The following E2F8 variants were observed in gnomAD, a reference collection of about 807,000 sequenced individuals.
The protein encoded by E2F8 is E2F transcription factor 8.
In E2F8, 35 loss-of-function variants were observed where a neutral mutation model predicts 80.8. The observed-to-expected ratio is 0.43, with a 90% CI of 0.33 to 0.57. The LOEUF (loss-of-function observed/expected upper bound fraction) is 0.57, where lower values mean the gene tolerates loss of function less well. Among genes scored for constraint, E2F8 ranks in the 20% least tolerant of loss-of-function variants. The pLI is 0.04. For synonymous variants in E2F8, 386 were observed against 395.0 expected (o/e 0.98, Z 0.27); for missense variants, 975 against 1,056.2 (o/e 0.92, Z 1.07).
chr11:19,224,770 G>C lies in E2F8; in HGVS notation c.2492C>G (p.Thr831Ser), dbSNP rs1387868083. The C allele has an allele frequency of 6.2e-7, 1 of 1,614,214 alleles. No individual in the cohort carries two copies. The highest frequency in any genetic ancestry group is 2.2e-5 in the East Asian group (1 of 44,886). The change falls in exon 13 of 13, where the codon ACC (threonine) becomes AGC (serine). Residue 831 changes from threonine to serine, a missense_variant. Thr to Ser is a moderately conservative substitution (Grantham distance 58, BLOSUM62 1). Transcript: ENST00000250024. ...ESFFRTPGGP[T>S]KPTSSSCMDF... ...CATGCAGGATGAGCTGGTTGGCTTG[G>C]TGGGTCCACCTGGGGTACGGAAGAA...
chr11:19,226,632 T>G (rs1851243526), intron 10 of E2F8, among the ~76,000 whole-genome samples: 1 of 152,216 alleles, frequency 6.6e-6, no homozygotes. Flanking sequence ...ATTTATGTAC[T>G]GCCTATAGCA....
At chr11:19,241,197 G>A (rs1322279140), upstream of E2F8, among the ~76,000 whole-genome samples, 1 of 152,212 alleles carries the variant, frequency 6.6e-6, no homozygotes, top group Non-Finnish European at 1.5e-5. The surrounding 1 kb of genome is among the most constrained non-coding windows in gnomAD (Gnocchi z 4.5). Flanking sequence ...CGGGGCCTGA[G>A]CGCGGGCAAA....
intron 7 of E2F8, among the ~76,000 whole-genome samples, chr11:19,231,083 G>C (rs1329173130): frequency 1.3e-5 from 2 of 152,156 alleles, no homozygotes; most frequent in Admixed American, 6.5e-5. Flanking sequence ...CTAGAGTGTA[G>C]TTATTAGTGA....
chr11:19,240,007 G>A (rs1357901412), intron 2 of E2F8, 100 bp downstream of exon 2: 1 of 891,122 alleles, frequency 1.1e-6, no homozygotes, highest in Non-Finnish European at 1.6e-6. Context: ...CCAAGGTTGT[G>A]GCATTAAGAA....
rs759392034 is a variant in E2F8 at position 19,232,288 on chromosome 11, C to A, written c.1012G>T (p.Gly338Cys). The A allele has an allele frequency of 8.7e-6, 14 of 1,614,070 alleles. No individual in the cohort carries two copies. Among genetic ancestry groups the A allele is most frequent in the Non-Finnish European group, 1.1e-5 (13 of 1,180,044 alleles). The change falls in exon 7 of 13, where the codon GGC (glycine) becomes TGC (cysteine). Residue 338 changes from glycine to cysteine, a missense_variant. Coordinates refer to ENST00000250024, the MANE Select transcript of E2F8 (RefSeq NM_024680.4). ...GTCCATTTGAAAGCTGGTTTTCGGC[C>A]TCTTTCCTCTGTAACATGAACTTTC... is the stretch of plus-strand genomic sequence containing the variant. ...IKKVHVTEER[G>C]RKPAFKWTGP...
At chr11:19,237,153 T>C (rs1249146294) in intron 4 of E2F8, among the ~76,000 whole-genome samples, 161 bp downstream of exon 4, 1 of 152,246 alleles carries the variant, frequency 6.6e-6, no homozygotes, top group Non-Finnish European at 1.5e-5. Flanking sequence ...CTACTTACCT[T>C]CATTCTTATA....
At chr11:19,226,065 G>T in intron 10 of E2F8, 1 of 594,832 alleles carries the variant, frequency 1.7e-6, no homozygotes. Context: ...CCCGAATAAT[G>T]CAGAACATGT....
At position 19,232,311 on chromosome 11, in the gene E2F8, T is replaced by C; in HGVS notation, c.989A>G (p.Lys330Arg). ...GCCTCTTTCCTCTGTAACATGAACTTTCTTGATAAGATCCAGGCTACTCAG... is the reference window on the plus strand; with the variant it reads ...GCCTCTTTCCTCTGTAACATGAACTCTCTTGATAAGATCCAGGCTACTCAG... ...NVLSSLDLIK[K>R]VHVTEERGRK... Residue 330 changes from lysine to arginine, a missense_variant, in exon 7 of 13, where the codon AAA becomes AGA. Coordinates refer to ENST00000250024, the MANE Select transcript of E2F8 (RefSeq NM_024680.4). The C allele has an allele frequency of 6.2e-7, 1 of 1,614,196 alleles. No individual in the cohort carries two copies. Among genetic ancestry groups the C allele is most frequent in the Non-Finnish European group, 8.5e-7 (1 of 1,180,024 alleles).
Position 19,237,836 on chromosome 11 carries a change from A to G in E2F8, c.294+18T>C. The G allele has an allele frequency of 6.3e-7, 1 of 1,593,954 alleles. No homozygotes were observed. Among genetic ancestry groups the G allele is most frequent in the Middle Eastern group, 1.7e-4 (1 of 5,972 alleles). On this transcript the variant is annotated intron_variant, in intron 3 of 12. Transcript: ENST00000250024. The stretch of plus-strand genomic sequence containing the variant: ...CCAACAAATTCCCCAGCCTCCAACC[A>G]GTCCTCTGAAAACCTACGTGTATAC...
At chr11:19,227,919 C>G (rs180894047) in intron 10 of E2F8, among the ~76,000 whole-genome samples, 39 of 152,242 alleles carry the variant, frequency 2.6e-4, no homozygotes, top group Middle Eastern at 3.4e-3. Flanking sequence ...GAAACCCCGT[C>G]TCCACAAAAA....
At chr11:19,227,857 G>A (rs1851275897) in intron 10 of E2F8, among the ~76,000 whole-genome samples, 1 of 152,196 alleles carries the variant, frequency 6.6e-6, no homozygotes, top group Non-Finnish European at 1.5e-5. Context: ...GGAAGCCAAG[G>A]CAGGCAGACT....
At chr11:19,234,316 G>A in intron 6 of E2F8, 44 bp downstream of exon 6, 4 of 1,604,102 alleles carry the variant, frequency 2.5e-6, no homozygotes, top group Non-Finnish European at 3.4e-6. Flanking sequence ...AGATTTTATT[G>A]TTTAAGAATA....
chr11:19,233,382 G>A (rs933870273), intron 6 of E2F8, among the ~76,000 whole-genome samples: 1 of 152,198 alleles, frequency 6.6e-6, no homozygotes. Context: ...ACAATTTTAT[G>A]AGTCATTTAT....
At chr11:19,233,655 T>C (rs1851436696) in intron 6 of E2F8, among the ~76,000 whole-genome samples, 1 of 151,728 alleles carries the variant, frequency 6.6e-6, no homozygotes, top group South Asian at 2.1e-4. Context: ...GCCCGGCTAA[T>C]TTTTTTGTAT....
chr11:19,235,667 A>G (rs1401682791), intron 4 of E2F8, among the ~76,000 whole-genome samples: 139 of 13,726 alleles, frequency 0.01, 1 homozygote, highest in African/African-American at 0.051. Context: ...ACAAACAAAC[A>G]AAAAAAAAAA....
intron 2 of E2F8, among the ~76,000 whole-genome samples, chr11:19,238,661 A>G (rs73416786): frequency 0.034 from 5,143 of 152,362 alleles, 280 homozygotes; most frequent in African/African-American, 0.12. Context: ...AGAGTCAGAG[A>G]GACAAGGAGA....
At chr11:19,225,661 C>G in intron 11 of E2F8, 46 bp from the exon 12 acceptor site, 1 of 1,609,172 alleles carries the variant, frequency 6.2e-7, no homozygotes. Flanking sequence ...AGGCATTTAT[C>G]CAAGAAGTTG....
Position 19,230,663 on chromosome 11 carries a change from G to C in E2F8, c.1238C>G (p.Ser413Cys). Residue 413 changes from serine (S) to cysteine (C), a missense_variant, in exon 8 of 13, where the codon TCT becomes TGT. Transcript: ENST00000250024. ...SIESDRRKINSAPSSPIKTNK... is the reference protein window; with the variant it reads ...SIESDRRKINCAPSSPIKTNK... The stretch of plus-strand genomic sequence containing the variant: ...GGTCTTGATAGGGCTACTGGGCGCA[G>C]AATTTATCTTTCTCCGATCACTTTC... The C allele has an allele frequency of 6.2e-7, 1 of 1,614,210 alleles. No homozygotes were observed. The highest frequency in any genetic ancestry group is 8.5e-7 in the Non-Finnish European group (1 of 1,180,036).
chr11:19,229,357 T>C lies in E2F8; in HGVS notation c.1893+97A>G, dbSNP rs1851310378. ...TGCTAAGGAACAGTTCCTTGTCTTC[T>C]GAGAGAATGCTCTTCGGTAAATTTC... On this transcript the variant is annotated intron_variant, in intron 10 of 12. Transcript: ENST00000250024. This position sits in a 1 kb window ranked among gnomAD's most constrained non-coding sequence, Gnocchi z 4.3. The C allele has an allele frequency of 1.4e-6, 2 of 1,479,062 alleles. No homozygotes were observed. Among genetic ancestry groups the C allele is most frequent in the South Asian group, 2.7e-5 (2 of 72,802 alleles). 91.6% of individuals were successfully genotyped at this position (1,479,062 alleles called of 1,614,324 possible).
Sources: allele counts gnomAD v4.1 joint callset (sites outside exome capture counted in the v4.1 genomes callset), GRCh38; gene constraint gnomAD v4.1.1; non-coding constraint Gnocchi (gnomAD v3.1); transcripts MANE v1.5; gene names NCBI Gene and HGNC (gene_info 2026-07-23, HGNC 2026-07-21).